The following PLCE1 variants were observed in gnomAD, a reference collection of about 807,000 sequenced individuals.
PLCE1 encodes the protein 1-phosphatidylinositol 4,5-bisphosphate phosphodiesterase epsilon-1.
Under a neutral mutation model 242.8 loss-of-function variants are expected in PLCE1, and 119 were observed. The ratio of observed to expected loss-of-function variants is 0.49; its 90% CI spans 0.42 to 0.57. The LOEUF is 0.57. PLCE1 is among the 20% of genes least tolerant of loss of function. The pLI, the probability that PLCE1 is intolerant of heterozygous loss-of-function variation, is 0.00. For synonymous variants in PLCE1, 945 were observed against 1,017.4 expected, an observed-to-expected ratio of 0.93 and a Z score of 1.35; for missense variants, 2,441 against 2,788.8, an observed-to-expected ratio of 0.88 and a Z score of 2.81.
intron 1 of PLCE1, among the ~76,000 whole-genome samples, chr10:93,994,978 C>A (rs575681507): frequency 2.0e-5 from 3 of 152,320 alleles, no homozygotes; most frequent in African/African-American, 4.8e-5. Flanking sequence ...GTCATAATTT[C>A]AGTTGCATTA....
At chr10:94,102,989 A>G (rs1414286027) in intron 2 of PLCE1, among the ~76,000 whole-genome samples, 1 of 152,272 alleles carries the variant, frequency 6.6e-6, no homozygotes, top group Non-Finnish European at 1.5e-5. Flanking sequence ...GGCAGATGGC[A>G]TGTTTTAAAA....
intron 4 of PLCE1, among the ~76,000 whole-genome samples, chr10:94,178,129 A>G (rs558669000): frequency 6.6e-6 from 1 of 152,226 alleles, no homozygotes; most frequent in East Asian, 1.9e-4. Flanking sequence ...ATAACCTGTC[A>G]CCACCCACAC....
At chr10:94,283,622 A>G in intron 20 of PLCE1, 168 bp from the exon 21 acceptor site, 1 of 669,802 alleles carries the variant, frequency 1.5e-6, no homozygotes, top group Non-Finnish European at 2.6e-6. Flanking sequence ...CATCAACCCA[A>G]TTTTTACAGT....
At chr10:94,183,389 T>G (rs1479009730) in intron 4 of PLCE1, among the ~76,000 whole-genome samples, 1 of 144,110 alleles carries the variant, frequency 6.9e-6, no homozygotes, top group East Asian at 1.9e-4. Flanking sequence ...CCTGCCCCAC[T>G]GAGCTTACAT....
At chr10:94,264,207 G>T (rs1178991661) in intron 14 of PLCE1, among the ~76,000 whole-genome samples, 1 of 152,176 alleles carries the variant, frequency 6.6e-6, no homozygotes, top group Admixed American at 6.5e-5. Flanking sequence ...CCACTTGGAA[G>T]AGGTGGCATT....
intron 2 of PLCE1, among the ~76,000 whole-genome samples, chr10:94,035,227 G>C (rs966389794): frequency 5.3e-5 from 8 of 152,182 alleles, no homozygotes; most frequent in African/African-American, 1.7e-4. Context: ...TTTAAATATA[G>C]CAAAGTGAAT....
At chr10:94,205,510 C>G (rs2049129138) in intron 4 of PLCE1, among the ~76,000 whole-genome samples, 2 of 152,196 alleles carry the variant, frequency 1.3e-5, no homozygotes, top group Admixed American at 1.3e-4. Context: ...AGACATTGCT[C>G]TACAAATATT....
intron 8 of PLCE1, among the ~76,000 whole-genome samples, chr10:94,250,112 A>T (rs1056659061): frequency 6.7e-6 from 1 of 149,198 alleles, no homozygotes; most frequent in Admixed American, 6.7e-5. Flanking sequence ...AGCCTGGGCA[A>T]GAGTGCGAGA....
At chr10:94,314,064 T>A (rs989822591) in intron 28 of PLCE1, among the ~76,000 whole-genome samples, 2 of 151,910 alleles carry the variant, frequency 1.3e-5, no homozygotes, top group Admixed American at 1.3e-4. Context: ...CCGCCCTAGA[T>A]CCCCCTCCGA....
intron 2 of PLCE1, among the ~76,000 whole-genome samples, chr10:94,069,668 A>G (rs973610181): frequency 6.6e-6 from 1 of 152,202 alleles, no homozygotes; most frequent in Non-Finnish European, 1.5e-5. Flanking sequence ...TGGAACAGAA[A>G]GAAAGTTCTA....
intron 2 of PLCE1, chr10:94,099,651 G>A (rs2045447328): frequency 6.6e-6 from 1 of 152,190 alleles, no homozygotes; most frequent in Non-Finnish European, 1.5e-5. Context: ...AAAAGTATTT[G>A]TTTTCATGGT....
chr10:94,137,945 G>T, intron 3 of PLCE1: 3 of 392,054 alleles, frequency 7.7e-6, no homozygotes, highest in South Asian at 7.5e-5. Flanking sequence ...CCACAGTGAT[G>T]ACTACATTAA....
At chr10:94,081,611 G>A (rs553216776) in intron 2 of PLCE1, among the ~76,000 whole-genome samples, 1 of 152,264 alleles carries the variant, frequency 6.6e-6, no homozygotes, top group East Asian at 1.9e-4. Flanking sequence ...ACACTGCCTA[G>A]TACCTCTAGT....
intron 2 of PLCE1, among the ~76,000 whole-genome samples, chr10:94,095,440 T>A (rs547780461): frequency 6.6e-6 from 1 of 152,140 alleles, no homozygotes; most frequent in South Asian, 2.1e-4. Context: ...CACTGTAACC[T>A]CCACCTCCCA....
chr10:94,238,746 G>A (rs1269495668), intron 7 of PLCE1, among the ~76,000 whole-genome samples: 1 of 152,192 alleles, frequency 6.6e-6, no homozygotes, highest in East Asian at 1.9e-4. Context: ...GAGTATGAAG[G>A]TGTGTAGAGA....
intron 2 of PLCE1, chr10:94,109,105 T>A (rs935350743): frequency 6.6e-5 from 10 of 152,184 alleles, no homozygotes; most frequent in Non-Finnish European, 1.0e-4. Context: ...TATCTAGATA[T>A]ATTGGCCTTT....
chr10:94,093,317 C>T (rs1456031780), intron 2 of PLCE1, among the ~76,000 whole-genome samples: 1 of 152,184 alleles, frequency 6.6e-6, no homozygotes, highest in Non-Finnish European at 1.5e-5. Context: ...CATGTCATGT[C>T]ACTGTTTTGA....
intron 4 of PLCE1, among the ~76,000 whole-genome samples, chr10:94,204,792 AAGG>A (rs1389107178): frequency 2.2e-4 from 18 of 80,610 alleles, no homozygotes; most frequent in African/African-American, 6.8e-4. Context: ...GGAAGGAAGG[AAGG>A]AAGGAAGCAA....
chr10:94,043,034 G>T (rs1410412088), intron 2 of PLCE1, among the ~76,000 whole-genome samples: 1 of 152,150 alleles, frequency 6.6e-6, no homozygotes, highest in Admixed American at 6.5e-5. Context: ...CACACCATTA[G>T]AATGAAGTTT....
Sources: allele counts gnomAD v4.1 joint callset (sites outside exome capture counted in the v4.1 genomes callset), GRCh38; gene constraint gnomAD v4.1.1; transcripts MANE v1.5; gene names NCBI Gene and HGNC (gene_info 2026-07-23, HGNC 2026-07-21).